Variants in GRM8 observed in about 807,000 individuals in gnomAD.
The protein encoded by GRM8 is glutamate metabotropic receptor 8.
GRM8 carries 47 observed loss-of-function variants against 87.2 expected under a neutral mutation model. That is an observed-to-expected ratio of 0.54 (90% CI 0.43 to 0.69). The LOEUF is 0.69. Among genes scored for constraint, GRM8 ranks in the 30% least tolerant of loss-of-function variants. GRM8 has a pLI of 0.00. For missense variants in GRM8, 1,019 were observed against 1,139.2 expected, an observed-to-expected ratio of 0.89 and a Z score of 1.52; for synonymous variants, 396 against 404.5, an observed-to-expected ratio of 0.98 and a Z score of 0.25.
chr7:126,721,868 TG>T (rs1352932067), intron 7 of GRM8, among the ~76,000 whole-genome samples: 1 of 152,128 alleles, frequency 6.6e-6, no homozygotes, highest in Admixed American at 6.6e-5. Flanking sequence ...CACCTCATTT[TG>T]TAGACCCTCT....
At chr7:126,892,105 T>C (rs1379827257) in intron 6 of GRM8, among the ~76,000 whole-genome samples, 2 of 151,252 alleles carry the variant, frequency 1.3e-5, no homozygotes, top group Admixed American at 6.6e-5. Flanking sequence ...ATAGTTTTAA[T>C]ATTTGTATAA....
intron 3 of GRM8, among the ~76,000 whole-genome samples, chr7:127,065,625 T>C (rs934461023): frequency 3.3e-5 from 5 of 152,078 alleles, no homozygotes; most frequent in African/African-American, 1.2e-4. Context: ...CTGACAAAAA[T>C]GAGGATGTCA....
intron 6 of GRM8, among the ~76,000 whole-genome samples, chr7:126,773,636 T>C (rs1423037768): frequency 6.6e-6 from 1 of 152,192 alleles, no homozygotes; most frequent in Non-Finnish European, 1.5e-5. Flanking sequence ...CAGCATTCAA[T>C]AATTTCCTGA....
chr7:126,778,915 TAAAAA>T (rs146091672), intron 6 of GRM8, among the ~76,000 whole-genome samples: 11 of 151,502 alleles, frequency 7.3e-5, no homozygotes, highest in African/African-American at 2.7e-4. Context: ...AAGAAGAAAA[TAAAAA>T]AAAATCTATT....
Position 126,685,233 on chromosome 7 carries a change from C to T in GRM8, c.1358-75735G>A, listed in dbSNP as rs777463105. Among the ~76,000 whole-genome samples, 1 of 152,194 alleles carries T rather than the reference C, an allele frequency of 6.6e-6. No individual in the cohort carries two copies. The highest frequency in any genetic ancestry group is 2.4e-5 in the African/African-American group (1 of 41,464). On this transcript the variant is annotated intron_variant, in intron 7 of 10. Transcript: ENST00000339582. The surrounding 1 kb of genome is among the most constrained non-coding windows in gnomAD (Gnocchi z 4.2). Reference sequence around the variant, plus strand: ...CCCCTGGAGCCTACCACCCTGGGGGCCACCATGATGGGGCCGGGCCAAGTT... The same window carrying T: ...CCCCTGGAGCCTACCACCCTGGGGGTCACCATGATGGGGCCGGGCCAAGTT...
intron 3 of GRM8, among the ~76,000 whole-genome samples, chr7:126,977,215 T>C (rs1476832553): frequency 1.3e-5 from 2 of 152,238 alleles, no homozygotes; most frequent in Non-Finnish European, 2.9e-5. Flanking sequence ...GAATTAGCCA[T>C]GGTTCAGAGG....
intron 3 of GRM8, among the ~76,000 whole-genome samples, chr7:126,921,372 T>A (rs1373892093): frequency 6.6e-6 from 1 of 152,122 alleles, no homozygotes; most frequent in Non-Finnish European, 1.5e-5. Flanking sequence ...TCAAGAGGCT[T>A]AACTTTCCAA....
At chr7:126,546,024 C>T (rs1451279646) in intron 8 of GRM8, among the ~76,000 whole-genome samples, 2 of 151,954 alleles carry the variant, frequency 1.3e-5, no homozygotes, top group South Asian at 4.1e-4. Context: ...TACAGGAACA[C>T]GTGTCTTCAG....
intron 3 of GRM8, among the ~76,000 whole-genome samples, chr7:127,082,655 AG>A: frequency 6.6e-6 from 1 of 152,362 alleles, no homozygotes; most frequent in South Asian, 2.1e-4. Context: ...TAACAATCTT[AG>A]CTGTTATTAG....
intron 7 of GRM8, among the ~76,000 whole-genome samples, chr7:126,724,134 A>G (rs1812717161): frequency 6.6e-6 from 1 of 152,136 alleles, no homozygotes; most frequent in South Asian, 2.1e-4. Flanking sequence ...AGAGGAAGGA[A>G]GCCGACTCAG....
chr7:126,811,780 T>C (rs1793319848), intron 6 of GRM8, among the ~76,000 whole-genome samples: 1 of 152,126 alleles, frequency 6.6e-6, no homozygotes, highest in Non-Finnish European at 1.5e-5. Flanking sequence ...CAGGGTTTTC[T>C]AGATGTAAGA....
At chr7:126,957,164 G>C (rs1808784403) in intron 3 of GRM8, among the ~76,000 whole-genome samples, 1 of 152,090 alleles carries the variant, frequency 6.6e-6, no homozygotes. Context: ...TGCCTGGAAG[G>C]TAAGGAAGAT....
At chr7:126,987,199 G>C (rs17867386) in intron 3 of GRM8, among the ~76,000 whole-genome samples, 95 of 152,088 alleles carry the variant, frequency 6.2e-4, no homozygotes, top group African/African-American at 2.2e-3. Flanking sequence ...TTTTCTTTTT[G>C]AGATCTGAAA....
chr7:127,054,047 C>G (rs774838173), intron 3 of GRM8, among the ~76,000 whole-genome samples: 83 of 152,126 alleles, frequency 5.5e-4, no homozygotes, highest in Admixed American at 2.9e-3. Flanking sequence ...GATTCTAAGT[C>G]TGACTTGGCC....
chr7:126,714,837 T>C (rs1811541823), intron 7 of GRM8, among the ~76,000 whole-genome samples: 1 of 152,098 alleles, frequency 6.6e-6, no homozygotes, highest in African/African-American at 2.4e-5. Context: ...TATATATATA[T>C]ATAAACACAC....
rs137907641 is a variant in GRM8, at chr7:127,249,463, A to C, written c.-312+3334T>G. Among the ~76,000 whole-genome samples the C allele has an allele frequency of 6.0e-3, 911 of 152,316 alleles. 11 individuals carry two copies. The highest frequency in any genetic ancestry group is 0.019 in the African/African-American group (806 of 41,562). ...ACCATTAATAATGGTTAAGGCTAGCAATGCAACAAGCCAGAGCAGAGAGCT... is the reference window on the plus strand; with the variant it reads ...ACCATTAATAATGGTTAAGGCTAGCCATGCAACAAGCCAGAGCAGAGAGCT... On this transcript the variant is annotated intron_variant, in intron 1 of 10. Transcript: ENST00000339582.
At chr7:126,809,175 T>C (rs748647521) in intron 6 of GRM8, among the ~76,000 whole-genome samples, 5 of 152,178 alleles carry the variant, frequency 3.3e-5, no homozygotes, top group Admixed American at 6.5e-5. Flanking sequence ...ACACAAGCCT[T>C]CTTCTTCTAC....
chr7:127,031,160 G>C (rs1295665158), intron 3 of GRM8, among the ~76,000 whole-genome samples: 1 of 152,064 alleles, frequency 6.6e-6, no homozygotes, highest in Non-Finnish European at 1.5e-5. Flanking sequence ...GTAGATTACT[G>C]TCAAATCAGA....
At chr7:127,155,955 T>C (rs541281847) in intron 2 of GRM8, among the ~76,000 whole-genome samples, 3 of 152,272 alleles carry the variant, frequency 2.0e-5, no homozygotes, top group East Asian at 1.9e-4. Context: ...AAACCTGGAA[T>C]TGACGCCCTC....
Sources: allele counts gnomAD v4.1 joint callset (sites outside exome capture counted in the v4.1 genomes callset), GRCh38; gene constraint gnomAD v4.1.1; non-coding constraint Gnocchi (gnomAD v3.1); transcripts MANE v1.5; gene names NCBI Gene and HGNC (gene_info 2026-07-23, HGNC 2026-07-21).